INSC: variants seen among roughly 807,000 people sequenced by gnomAD.
INSC encodes the protein INSC spindle orientation adaptor protein.
Under a neutral mutation model 58.6 loss-of-function variants are expected in INSC, and 67 were observed. That is an observed-to-expected ratio of 1.14 (90% confidence interval 0.94 to 1.40). The LOEUF is 1.40. Among genes scored for constraint, INSC ranks in the 40% most tolerant of loss-of-function variants. INSC has a pLI of 0.00. For synonymous variants in INSC, 262 were observed against 276.1 expected (o/e 0.95, Z 0.51); for missense variants, 714 against 692.0 (o/e 1.03, Z -0.36).
chr11:15,153,313 G>C (rs2133760734), intron 2 of INSC, among the ~76,000 whole-genome samples: 1 of 152,348 alleles, frequency 6.6e-6, no homozygotes, highest in Non-Finnish European at 1.5e-5. Context: ...GATGAGCCTG[G>C]ACTGGATGCA....
At chr11:15,114,627 T>C (rs1333384791), upstream of INSC, among the ~76,000 whole-genome samples, 1 of 152,178 alleles carries the variant, frequency 6.6e-6, no homozygotes, top group Non-Finnish European at 1.5e-5. Context: ...GCCTGCCGCC[T>C]GGCCCGGGGG....
At chr11:15,211,305 A>G (rs1023956630) in intron 7 of INSC, among the ~76,000 whole-genome samples, 1 of 152,150 alleles carries the variant, frequency 6.6e-6, no homozygotes, top group Non-Finnish European at 1.5e-5. Flanking sequence ...AATGGTTTTG[A>G]ACACTTGTTC....
chr11:15,143,438 G>A (rs113010618), intron 1 of INSC, among the ~76,000 whole-genome samples: 2 of 152,128 alleles, frequency 1.3e-5, no homozygotes, highest in Non-Finnish European at 1.5e-5. Flanking sequence ...AGGGGGAGGC[G>A]TGGCTTGCTG....
upstream of INSC, among the ~76,000 whole-genome samples, chr11:15,113,369 C>T (rs951290525): frequency 2.0e-5 from 3 of 152,050 alleles, no homozygotes; most frequent in Non-Finnish European, 4.4e-5. Context: ...CCATGTCGGC[C>T]AGGATGGACT....
chr11:15,161,315 T>G (rs1849010036), intron 2 of INSC, among the ~76,000 whole-genome samples: 2 of 152,190 alleles, frequency 1.3e-5, no homozygotes, highest in South Asian at 4.1e-4. Flanking sequence ...TACTGAACAG[T>G]TTGATTAACA....
At chr11:15,172,163 A>G (rs1166253936) in intron 2 of INSC, among the ~76,000 whole-genome samples, 1 of 152,262 alleles carries the variant, frequency 6.6e-6, no homozygotes, top group African/African-American at 2.4e-5. Context: ...GTGCTTATGC[A>G]GTGAATGAGT....
intron 10 of INSC, among the ~76,000 whole-genome samples, chr11:15,238,188 A>G (rs1852204921): frequency 6.6e-6 from 1 of 152,054 alleles, no homozygotes; most frequent in Admixed American, 6.6e-5. Context: ...GGACATGGGT[A>G]TGGTTTCTAG....
At chr11:15,179,788 G>T (rs1849697712) in intron 5 of INSC, among the ~76,000 whole-genome samples, 2 of 152,222 alleles carry the variant, frequency 1.3e-5, no homozygotes, top group South Asian at 4.1e-4. Context: ...AGGGACCCAA[G>T]GGACACAAGG....
At chr11:15,267,409 A>T in the INSC span, among the ~76,000 whole-genome samples, 2 of 152,058 alleles carry the variant, frequency 1.3e-5, no homozygotes, top group Admixed American at 1.3e-4. Flanking sequence ...CAGCTCACTC[A>T]TACTCTATTC....
chr11:15,211,045 A>AGGAGG (rs1370611230), intron 7 of INSC, among the ~76,000 whole-genome samples: 1 of 152,092 alleles, frequency 6.6e-6, no homozygotes, highest in African/African-American at 2.4e-5. Context: ...GGGAGAAGGA[A>AGGAGG]GGAGGATAAG....
chr11:15,167,097 C>T, intron 2 of INSC, among the ~76,000 whole-genome samples: 1 of 150,616 alleles, frequency 6.6e-6, no homozygotes, highest in East Asian at 1.9e-4. Context: ...TTGTCTAATT[C>T]TGTCTATTTT....
chr11:15,189,284 T>G (rs991583954), intron 5 of INSC, among the ~76,000 whole-genome samples: 1 of 152,226 alleles, frequency 6.6e-6, no homozygotes, highest in Admixed American at 6.5e-5. Context: ...CAGGTACCTT[T>G]AGAAATCCTT....
intron 9 of INSC, among the ~76,000 whole-genome samples, chr11:15,233,908 G>A (rs542355650): frequency 2.0e-5 from 3 of 152,322 alleles, no homozygotes; most frequent in Admixed American, 6.5e-5. Context: ...GGACTTGGCC[G>A]TGTACCTCCT....
At chr11:15,205,751 C>T (rs959580395) in intron 7 of INSC, among the ~76,000 whole-genome samples, 1 of 152,118 alleles carries the variant, frequency 6.6e-6, no homozygotes, top group African/African-American at 2.4e-5. Flanking sequence ...TTTCCTCAGT[C>T]ATGAATGTAG....
chr11:15,133,517 T>C (rs983714708), intron 1 of INSC, among the ~76,000 whole-genome samples: 1 of 152,216 alleles, frequency 6.6e-6, no homozygotes, highest in African/African-American at 2.4e-5. Context: ...AATTCTCAAC[T>C]CTCATTGTTG....
intron 1 of INSC, among the ~76,000 whole-genome samples, chr11:15,125,707 C>T (rs185721452): frequency 8.5e-5 from 13 of 152,308 alleles, no homozygotes; most frequent in African/African-American, 2.9e-4. Context: ...ACTTGGAGAG[C>T]GTTGTGCCAG....
chr11:15,171,812 G>A (rs1412440749), intron 2 of INSC, among the ~76,000 whole-genome samples: 1 of 152,224 alleles, frequency 6.6e-6, no homozygotes, highest in Non-Finnish European at 1.5e-5. Flanking sequence ...AGTTGCCATT[G>A]TTAACATGTC....
At chr11:15,160,989 C>A (rs1471080415) in intron 2 of INSC, among the ~76,000 whole-genome samples, 1 of 152,212 alleles carries the variant, frequency 6.6e-6, no homozygotes, top group Non-Finnish European at 1.5e-5. Context: ...ATTGTATGTG[C>A]AAGTTCTTGA....
intron 2 of INSC, among the ~76,000 whole-genome samples, chr11:15,159,275 G>A (rs1015023314): frequency 2.6e-5 from 4 of 152,258 alleles, no homozygotes; most frequent in South Asian, 2.1e-4. Flanking sequence ...TGTAGATGGT[G>A]GAGAGACTGG....
Sources: gnomAD v4.1 joint callset for allele counts (sites outside exome capture counted in the v4.1 genomes callset) on GRCh38, gnomAD v4.1.1 for gene constraint, MANE v1.5 for transcripts, NCBI Gene and HGNC (gene_info 2026-07-23, HGNC 2026-07-21) for gene names.